Variants in RANBP2 observed in about 807,000 individuals in gnomAD.
RANBP2 encodes the protein RAN binding protein 2, also known as E3 SUMO-protein ligase RanBP2.
Under a neutral mutation model 303.6 loss-of-function variants are expected in RANBP2, and 57 were observed. The observed-to-expected ratio is 0.19, with a 90% CI of 0.15 to 0.23. RANBP2 has a LOEUF of 0.23. RANBP2 is among the 10% of genes least tolerant of loss of function. The probability of loss-of-function intolerance (pLI) is 1.00; values close to 1 mark genes in which losing one functional copy is unlikely to be tolerated. For synonymous variants in RANBP2, 1,167 were observed against 1,301.5 expected, an observed-to-expected ratio of 0.90 and a Z score of 2.23; for missense variants, 3,138 against 3,780.8, an observed-to-expected ratio of 0.83 and a Z score of 4.46.
the RANBP2 span, among the ~76,000 whole-genome samples, chr2:109,249,349 G>A: frequency 1.1e-4 from 16 of 152,140 alleles, no homozygotes; most frequent in Admixed American, 2.0e-4. Context: ...AAAAATCCCC[G>A]AGCAAGTTGG....
chr2:109,571,386 T>C, the RANBP2 span, among the ~76,000 whole-genome samples: 546 of 152,344 alleles, frequency 3.6e-3, no homozygotes, highest in Non-Finnish European at 5.2e-3. Context: ...CTGGATGTTA[T>C]AGCCTATGAC....
the RANBP2 span, among the ~76,000 whole-genome samples, chr2:109,153,298 C>G: frequency 1.3e-5 from 2 of 152,128 alleles, no homozygotes; most frequent in Admixed American, 1.3e-4. Flanking sequence ...CACTGGAAAC[C>G]CATTTCTGAG....
the RANBP2 span, among the ~76,000 whole-genome samples, chr2:108,808,031 T>C: frequency 6.6e-6 from 1 of 152,190 alleles, no homozygotes; most frequent in South Asian, 2.1e-4. Context: ...TCAACTTGTT[T>C]TTTAGCTTCC....
the RANBP2 span, among the ~76,000 whole-genome samples, chr2:109,068,577 T>C: frequency 6.6e-6 from 1 of 152,142 alleles, no homozygotes. Flanking sequence ...TTATTTCTCA[T>C]GGGTTTGTAT....
chr2:109,120,806 T>C, the RANBP2 span, among the ~76,000 whole-genome samples: 1 of 151,800 alleles, frequency 6.6e-6, no homozygotes, highest in African/African-American at 2.4e-5. Context: ...AGGCAGCGGA[T>C]ACCTACTTCC....
chr2:109,248,988 C>A, the RANBP2 span, among the ~76,000 whole-genome samples: 3 of 152,074 alleles, frequency 2.0e-5, no homozygotes, highest in Admixed American at 1.3e-4. Context: ...CCTAAGTGAT[C>A]CTCCCACCTC....
chr2:109,465,701 C>G, the RANBP2 span, among the ~76,000 whole-genome samples: 2 of 152,156 alleles, frequency 1.3e-5, no homozygotes, highest in African/African-American at 4.8e-5. Flanking sequence ...GCTTTTACTT[C>G]TGGGGAGACC....
chr2:109,472,804 C>T, the RANBP2 span, among the ~76,000 whole-genome samples: 3 of 152,152 alleles, frequency 2.0e-5, no homozygotes, highest in South Asian at 2.1e-4. Flanking sequence ...GCCAGACGCC[C>T]GTTGGAAATC....
chr2:108,927,442 T>C, the RANBP2 span, among the ~76,000 whole-genome samples: 6 of 152,202 alleles, frequency 3.9e-5, no homozygotes, highest in African/African-American at 4.8e-5. Context: ...GTCCAACTTC[T>C]TTAGTAATTA....
At chr2:109,687,741 A>ATTTTTTTT in the RANBP2 span, among the ~76,000 whole-genome samples, 51 of 133,472 alleles carry the variant, frequency 3.8e-4, 1 homozygote, top group Admixed American at 1.5e-4. Flanking sequence ...AGGTCAGGGG[A>ATTTTTTTT]TTTTTTTTTT....
the RANBP2 span, among the ~76,000 whole-genome samples, chr2:109,649,418 G>A: frequency 6.6e-6 from 1 of 151,464 alleles, no homozygotes; most frequent in South Asian, 2.1e-4. Context: ...TTTTTTTTGA[G>A]ACAGAGTCTC....
the RANBP2 span, among the ~76,000 whole-genome samples, chr2:109,012,506 T>C: frequency 1.4e-5 from 1 of 72,010 alleles, no homozygotes; most frequent in East Asian, 6.1e-3. Flanking sequence ...TCAGGGACTC[T>C]TGCTTCTTCA....
At chr2:109,376,921 C>T in the RANBP2 span, among the ~76,000 whole-genome samples, 2 of 152,348 alleles carry the variant, frequency 1.3e-5, no homozygotes, top group East Asian at 1.9e-4. Flanking sequence ...CCTAGATAGA[C>T]CCTAGTCTGC....
At chr2:109,525,524 G>A in the RANBP2 span, among the ~76,000 whole-genome samples, 7 of 152,244 alleles carry the variant, frequency 4.6e-5, no homozygotes, top group Admixed American at 1.3e-4. Context: ...TACACTCCCC[G>A]AGCTGACGCC....
At chr2:109,759,720 AAAGT>A in the RANBP2 span, among the ~76,000 whole-genome samples, 1 of 100,184 alleles carries the variant, frequency 1.0e-5, no homozygotes, top group African/African-American at 3.6e-5. Flanking sequence ...GCTTTTATGA[AAAGT>A]AAATGTCCTT....
chr2:109,055,690 T>C, the RANBP2 span, among the ~76,000 whole-genome samples: 2 of 151,184 alleles, frequency 1.3e-5, no homozygotes, highest in Non-Finnish European at 2.9e-5. Flanking sequence ...AGCGGCCTTT[T>C]CATTTTCTTA....
the RANBP2 span, among the ~76,000 whole-genome samples, chr2:109,498,585 G>A: frequency 3.5e-3 from 539 of 152,320 alleles, 4 homozygotes; most frequent in African/African-American, 0.012. Context: ...TCGATTTTCA[G>A]ACACCAATGT....
the RANBP2 span, chr2:109,545,297 AC>A: frequency 7.0e-7 from 1 of 1,437,736 alleles, no homozygotes; most frequent in South Asian, 1.5e-5. Flanking sequence ...GAGAAATAAA[AC>A]AAGGGACACA....
chr2:108,800,186 T>C, the RANBP2 span, among the ~76,000 whole-genome samples: 3 of 152,274 alleles, frequency 2.0e-5, no homozygotes, highest in Non-Finnish European at 4.4e-5. Flanking sequence ...ATGCATAGAT[T>C]TTGGGTTCTA....
Sources: allele counts gnomAD v4.1 joint callset (sites outside exome capture counted in the v4.1 genomes callset), GRCh38; gene constraint gnomAD v4.1.1; transcripts MANE v1.5; gene names NCBI Gene and HGNC (gene_info 2026-07-23, HGNC 2026-07-21).